EXOSC10: variants seen among roughly 807,000 people sequenced by gnomAD.
EXOSC10 encodes exosome complex component 10.
Under a neutral mutation model 126.6 loss-of-function variants are expected in EXOSC10, and 94 were observed. The ratio of observed to expected loss-of-function variants is 0.74; its 90% CI spans 0.63 to 0.88. The LOEUF is 0.88. Ranked by LOEUF, EXOSC10 falls within the 40% of genes least tolerant of loss-of-function variation. The pLI is 0.00. For missense variants in EXOSC10, 1,041 were observed against 1,100.5 expected, an observed-to-expected ratio of 0.95 and a Z score of 0.77; for synonymous variants, 395 against 400.8, an observed-to-expected ratio of 0.99 and a Z score of 0.17.
At position 11,080,882 on chromosome 1, in the gene EXOSC10, A is replaced by C; in HGVS notation, c.1468T>G (p.Ser490Ala). Residue 490 changes from serine (S) to alanine (A), a missense_variant, in exon 12 of 25, where the codon TCC (serine) becomes GCC (alanine). Physicochemically the swap from Ser to Ala is moderately conservative, Grantham distance 99 (BLOSUM62 1). This residue lies in a region of EXOSC10 where 645 missense variants were observed against 656.3 expected (regional missense o/e 0.98). Coordinates refer to ENST00000376936, the MANE Select transcript of EXOSC10 (RefSeq NM_001001998.3). ...TGCTTCCTATAGAGTTCAAGGTAGG[A>C]CTCATCCGTGAAGATAGGTTTGATG... ...KFIKPIFTDE[S>A]YLELYRKQKK... 6.2e-7 allele frequency: 1 copy of C among 1,611,012 alleles called. No individual in the cohort carries two copies. The highest frequency in any genetic ancestry group is 2.2e-5 in the East Asian group (1 of 44,876).
At chr1:11,092,711 G>A (rs1047362366) in intron 3 of EXOSC10, among the ~76,000 whole-genome samples, 2 of 151,970 alleles carry the variant, frequency 1.3e-5, no homozygotes, top group African/African-American at 2.4e-5. Context: ...TAGAGATGGG[G>A]TTTCACTATG....
At position 11,080,488 on chromosome 1, in the gene EXOSC10, T is replaced by G. The variant is rs372118404; in HGVS notation, c.1637+11A>C. ...GAAAGTCAGAACATATTAATCAGATTTGAAACTCACTTAGGCAGTTCTTCA... is the reference window on the plus strand; with the variant it reads ...GAAAGTCAGAACATATTAATCAGATGTGAAACTCACTTAGGCAGTTCTTCA... On this transcript the variant is annotated intron_variant, in intron 13 of 24. Coordinates refer to ENST00000376936, the MANE Select transcript of EXOSC10 (RefSeq NM_001001998.3). The G allele has an allele frequency of 7.0e-5, 113 of 1,613,064 alleles. No homozygotes were observed. Among genetic ancestry groups the G allele is most frequent in the Non-Finnish European group, 9.0e-5 (106 of 1,179,788 alleles).
intron 19 of EXOSC10, chr1:11,072,585 C>T (rs1173811491): frequency 5.9e-6 from 1 of 168,272 alleles, no homozygotes; most frequent in African/African-American, 2.4e-5. Context: ...CCCCACGGAC[C>T]TATGGCGTTA....
At chr1:11,090,231 C>T (rs559579269) in intron 6 of EXOSC10, among the ~76,000 whole-genome samples, 16 of 152,304 alleles carry the variant, frequency 1.1e-4, no homozygotes, top group African/African-American at 3.4e-4. Flanking sequence ...CTCCTGACCT[C>T]AGGTGATCCA....
intron 2 of EXOSC10, among the ~76,000 whole-genome samples, chr1:11,097,236 G>A (rs1641156568): frequency 6.6e-6 from 1 of 151,566 alleles, no homozygotes; most frequent in African/African-American, 2.4e-5. Context: ...AAAAAAGCTG[G>A]TCGTGGTGGT....
rs552050388 is a variant in EXOSC10, at chr1:11,084,983, C to T, written c.1090-2105G>A. ...GAGGGCTCTGTTCTGTTCTATTGAT[C>T]TATATCTCTGTTTTGGTACCAGTAC... On this transcript the variant is annotated intron_variant, in intron 9 of 24. Coordinates refer to ENST00000376936, the MANE Select transcript of EXOSC10 (RefSeq NM_001001998.3). 6.0e-3 allele frequency among the ~76,000 whole-genome samples: 911 copies of T among 152,238 alleles called. 11 individuals carry two copies. Among genetic ancestry groups the T allele is most frequent in the African/African-American group, 0.021 (857 of 41,518 alleles).
intron 8 of EXOSC10, 67 bp downstream of exon 8, chr1:11,087,733 A>G (rs1172752717): frequency 3.7e-5 from 55 of 1,483,400 alleles, no homozygotes; most frequent in Non-Finnish European, 5.0e-5. Context: ...TATTAATTTT[A>G]TACTTCTCCA....
rs780930127 is a variant in EXOSC10 at position 11,069,685 on chromosome 1, T to C, written c.2362A>G (p.Arg788Gly). The C allele has an allele frequency of 2.5e-6, 4 of 1,614,038 alleles. No homozygotes were observed. In the East Asian group the frequency reaches 8.9e-5, roughly 36 times the overall value. Residue 788 changes from arginine (R) to glycine (G), a missense_variant, in exon 22 of 25, where the codon AGG becomes GGG. Coordinates refer to ENST00000376936, the MANE Select transcript of EXOSC10 (RefSeq NM_001001998.3). ...KKRERATSDP[R>G]TTEQKQEKKR... ...TTCTCTTGTTTCTGTTCTGTGGTCC[T>C]TGGGTCGCTTGTTGCTCGCTCTCTC...
Position 11,091,018 on chromosome 1 carries a change from AGGGAGAGGTTTCTG to A in EXOSC10, c.625_638del (p.Gln209SerfsTer5). ...GGCAAAGTATGCACTATTTACCTTGAGGGAGAGGTTTCTGAGCATTGGGTTTGATGAAGATTTTA... is the reference window on the plus strand; with the variant it reads ...GGCAAAGTATGCACTATTTACCTTGAAGCATTGGGTTTGATGAAGATTTTA... On this transcript the variant is annotated frameshift_variant, in exon 5 of 25. Transcript: ENST00000376936. LOFTEE classifies it high-confidence loss of function. The A allele has an allele frequency of 6.2e-7, 1 of 1,613,720 alleles. No homozygotes were observed. The highest frequency in any genetic ancestry group is 8.5e-7 in the Non-Finnish European group (1 of 1,179,890).
At chr1:11,068,786 C>T (rs1303655448) in intron 22 of EXOSC10, 80 bp from the exon 23 acceptor site, 1 of 1,123,492 alleles carries the variant, frequency 8.9e-7, no homozygotes, top group Non-Finnish European at 1.4e-6. Flanking sequence ...GAGGCCGGGA[C>T]CATGACACTC....
chr1:11,095,484 C>T (rs992757663), intron 3 of EXOSC10: 25 of 258,684 alleles, frequency 9.7e-5, no homozygotes, highest in African/African-American at 1.5e-4. Context: ...GAGGCTGAGG[C>T]GGGCGGATCA....
rs566593478 is a variant in EXOSC10 at position 11,093,940 on chromosome 1, C to T, written c.372+1818G>A. On this transcript the variant is annotated intron_variant, in intron 3 of 24. Transcript: ENST00000376936. ...TAAAATAAAAAAAAATTCAGCCAGA[C>T]GTGGTGGTGCACACCTGCAGTCCCA... Among the ~76,000 whole-genome samples, 27 of 152,074 alleles carry T rather than the reference C, an allele frequency of 1.8e-4. 1 individual carries two copies. In the South Asian group the frequency reaches 5.0e-3, roughly 28 times the overall value.
chr1:11,097,209 T>A (rs1023239607), intron 2 of EXOSC10, among the ~76,000 whole-genome samples: 1 of 138,514 alleles, frequency 7.2e-6, no homozygotes, highest in Non-Finnish European at 1.6e-5. Flanking sequence ...GACTCCGTAC[T>A]CCCCCCCAAC....
intron 14 of EXOSC10, among the ~76,000 whole-genome samples, chr1:11,079,282 T>A (rs1330228733): frequency 6.8e-6 from 1 of 146,894 alleles, no homozygotes; most frequent in African/African-American, 2.5e-5. Context: ...TGAGCCGAGA[T>A]CATGCCACTG....
rs1481116802 is a variant in EXOSC10 at position 11,091,046 on chromosome 1, A to G, written c.611T>C (p.Ile204Thr). ...GAGAGGTTTCTGAGCATTGGGTTTG[A>G]TGAAGATTTTAGGAAGAAATGGTGT... ...SNTPFLPKIF[I>T]KPNAQKPLPQ... is the part of the protein sequence containing the mutation. Residue 204 changes from isoleucine to threonine, a missense_variant, in exon 5 of 25, where the codon ATC (isoleucine) becomes ACC (threonine). Ile to Thr is a moderately conservative substitution (Grantham distance 89). Around this residue, in one of 3 missense-constraint regions of EXOSC10, gnomAD observed 645 missense variants for 656.3 expected, o/e 0.98. Coordinates refer to ENST00000376936, the MANE Select transcript of EXOSC10 (RefSeq NM_001001998.3). The G allele has an allele frequency of 1.2e-6, 2 of 1,614,176 alleles. No individual in the cohort carries two copies. The highest frequency in any genetic ancestry group is 3.3e-5 in the Admixed American group (2 of 60,008).
chr1:11,087,571 G>A lies in EXOSC10; in HGVS notation c.966C>T (p.Phe322=), dbSNP rs1357516074. 3.1e-6 allele frequency: 5 copies of A among 1,614,008 alleles called. No individual in the cohort carries two copies. Among genetic ancestry groups the A allele is most frequent in the Non-Finnish European group, 4.2e-6 (5 of 1,180,044 alleles). Residue 322 remains phenylalanine, a synonymous_variant, in exon 9 of 25, where the codon TTC becomes TTT. Transcript: ENST00000376936. ...VDLEHHSYRS[F]LGLTCLMQIS... ...TTTGCATCAGGCAGGTCAGTCCCAG[G>A]AAGCTCCTGTAAGAGTGGTGCTAAA...
At chr1:11,090,137 A>G (rs1409094316) in intron 6 of EXOSC10, among the ~76,000 whole-genome samples, 1 of 151,710 alleles carries the variant, frequency 6.6e-6, no homozygotes, top group African/African-American at 2.4e-5. Flanking sequence ...AGCTGGGATT[A>G]CAGGCACACA....
Position 11,082,676 on chromosome 1 carries a change from G to C in EXOSC10, c.1280+12C>G. The C allele has an allele frequency of 6.2e-7, 1 of 1,613,860 alleles. No homozygotes were observed. Among genetic ancestry groups the C allele is most frequent in the Non-Finnish European group, 8.5e-7 (1 of 1,179,774 alleles). Reference sequence around the variant, plus strand: ...TCTGCCACCCACATTTCCTCAGTAAGAGCAAACTGACCGTATTCTCCAATC... The same window carrying C: ...TCTGCCACCCACATTTCCTCAGTAACAGCAAACTGACCGTATTCTCCAATC... On this transcript the variant is annotated intron_variant, in intron 10 of 24. Coordinates refer to ENST00000376936, the MANE Select transcript of EXOSC10 (RefSeq NM_001001998.3).
In EXOSC10 at chr1:11,066,653, G is replaced by T; in HGVS notation, c.*65C>A. The stretch of plus-strand genomic sequence containing the variant: ...AAGAATTTTAATGGTTTAAAAATAT[G>T]TATGTACAAAAGCAGCACCAGCATT... On this transcript the variant is annotated 3_prime_UTR_variant, in exon 25 of 25. Transcript: ENST00000376936. 6.5e-7 allele frequency: 1 copy of T among 1,542,190 alleles called. No homozygotes were observed. The highest frequency in any genetic ancestry group is 9.0e-7 in the Non-Finnish European group (1 of 1,114,832).
Sources: gnomAD v4.1 joint callset for allele counts (sites outside exome capture counted in the v4.1 genomes callset) on GRCh38, gnomAD v4.1.1 for gene constraint, gnomAD v4.1.1 regional missense constraint, MANE v1.5 for transcripts, NCBI Gene and HGNC (gene_info 2026-07-23, HGNC 2026-07-21) for gene names.